Variants in ACSL6 observed in about 807,000 individuals in gnomAD.
The protein encoded by ACSL6 is long-chain-fatty-acid--CoA ligase 6.
ACSL6 carries 47 observed loss-of-function variants against 98.2 expected under a neutral mutation model. That is an observed-to-expected ratio of 0.48 (90% CI 0.38 to 0.61). The LOEUF is 0.61. ACSL6 is among the 20% of genes least tolerant of loss of function. ACSL6 has a pLI of 0.00. For synonymous variants in ACSL6, 362 were observed against 336.9 expected (o/e 1.07, Z -0.82); for missense variants, 761 against 913.4 (o/e 0.83, Z 2.15).
intron 20 of ACSL6, among the ~76,000 whole-genome samples, chr5:131,956,507 G>A (rs770112808): frequency 2.0e-5 from 3 of 152,144 alleles, no homozygotes; most frequent in Non-Finnish European, 4.4e-5. Context: ...AGGTCGGAGC[G>A]GCACTGCTGC....
At chr5:131,954,403 A>G in intron 20 of ACSL6, 32 bp from the exon 21 acceptor site, 1 of 1,606,978 alleles carries the variant, frequency 6.2e-7, no homozygotes, top group South Asian at 1.1e-5. Flanking sequence ...CATCTTTAAC[A>G]GGAATAGAAC....
intron 9 of ACSL6, among the ~76,000 whole-genome samples, chr5:131,978,384 C>T (rs1561791268): frequency 6.6e-6 from 1 of 152,178 alleles, no homozygotes; most frequent in Non-Finnish European, 1.5e-5. Flanking sequence ...CCAAAACCAT[C>T]TTTCAACTTT....
At chr5:131,974,679 T>C in intron 11 of ACSL6, 3 of 1,509,364 alleles carry the variant, frequency 2.0e-6, no homozygotes, top group Middle Eastern at 2.3e-4. Flanking sequence ...TCCTACTTCA[T>C]GCCACCAGTG....
chr5:132,011,927 G>A, upstream of ACSL6: 1 of 1,555,720 alleles, frequency 6.4e-7, no homozygotes. The surrounding 1 kb of genome is among the most constrained non-coding windows in gnomAD (Gnocchi z 5.4). Context: ...GCATTCTGCG[G>A]AAACCGGCTG....
At position 131,994,209 on chromosome 5, in the gene ACSL6, A is replaced by G; in HGVS notation, c.92T>C (p.Ile31Thr). Reference sequence around the variant, plus strand: ...CTCAGGCAGTCGCAGTATCCTCAGGATCTCCTGTGTCTGCATCTTCTCCAG... The same window carrying G: ...CTCAGGCAGTCGCAGTATCCTCAGGGTCTCCTGTGTCTGCATCTTCTCCAG... ...SLLEKMQTQEILRILRLPELG... is the reference protein window; with the variant it reads ...SLLEKMQTQETLRILRLPELG... The change falls in exon 2 of 21, where the codon ATC becomes ACC. Residue 31 changes from isoleucine (I) to threonine (T), a missense_variant. Coordinates refer to ENST00000651883, the MANE Select transcript of ACSL6 (RefSeq NM_001009185.3). The G allele has an allele frequency of 9.9e-6, 16 of 1,613,942 alleles. No individual in the cohort carries two copies. The highest frequency in any genetic ancestry group is 1.1e-5 in the Non-Finnish European group (13 of 1,179,952).
At position 131,998,854 on chromosome 5, in the gene ACSL6, T is replaced by G. The variant is rs984669703; in HGVS notation, c.50-4603A>C. Among the ~76,000 whole-genome samples the G allele has an allele frequency of 8.5e-5, 13 of 152,206 alleles. No individual in the cohort carries two copies. In the South Asian group the frequency reaches 1.2e-3, roughly 15 times the overall value. On this transcript the variant is annotated intron_variant, in intron 1 of 20. Transcript: ENST00000651883. Reference sequence around the variant, plus strand: ...AACCTTATCTGGCTTCCTATTGCCTTAGGACCAGAGTCCAAACTAATGCTC... The same window carrying G: ...AACCTTATCTGGCTTCCTATTGCCTGAGGACCAGAGTCCAAACTAATGCTC...
At chr5:131,980,849 A>G (rs974119407) in intron 9 of ACSL6, among the ~76,000 whole-genome samples, 1 of 150,822 alleles carries the variant, frequency 6.6e-6, no homozygotes, top group Non-Finnish European at 1.5e-5. Context: ...CATTCTGAAA[A>G]CCCCACCAAG....
chr5:131,994,070 C>T lies in ACSL6; in HGVS notation c.231G>A (p.Gln77=). Residue 77 remains glutamine (Q), a synonymous_variant, in exon 2 of 21, where the codon CAG becomes CAA. Coordinates refer to ENST00000651883, the MANE Select transcript of ACSL6 (RefSeq NM_001009185.3). ...YWFTHRPKAL[Q]PPCNLLMQSE... ...ACTGCATCAGGAGGTTGCATGGCGGCTGCAAGGCCTTTGGCCGGTGAGTGA... is the reference window on the plus strand; with the variant it reads ...ACTGCATCAGGAGGTTGCATGGCGGTTGCAAGGCCTTTGGCCGGTGAGTGA... 6.2e-7 allele frequency: 1 copy of T among 1,614,148 alleles called. No individual in the cohort carries two copies. Among genetic ancestry groups the T allele is most frequent in the Non-Finnish European group, 8.5e-7 (1 of 1,180,040 alleles).
chr5:131,959,749 T>A (rs920607079), intron 19 of ACSL6, 142 bp from the exon 20 acceptor site: 1 of 730,454 alleles, frequency 1.4e-6, no homozygotes, highest in Admixed American at 2.2e-5. Flanking sequence ...AGGCTGATAC[T>A]CCCTGGCAAC....
chr5:131,989,592 T>A, intron 4 of ACSL6, 84 bp from the exon 5 acceptor site: 7 of 869,460 alleles, frequency 8.1e-6, no homozygotes, highest in Non-Finnish European at 1.2e-5. Context: ...TCTTTTTTTT[T>A]TTTTTTTTTT....
chr5:132,004,951 A>C (rs1755318808), intron 1 of ACSL6, among the ~76,000 whole-genome samples: 3 of 152,136 alleles, frequency 2.0e-5, no homozygotes, highest in Non-Finnish European at 4.4e-5. Flanking sequence ...GGAGTTTGAG[A>C]ACAGCCTGGC....
chr5:131,964,481 A>G (rs2149699010), intron 17 of ACSL6, among the ~76,000 whole-genome samples: 1 of 152,394 alleles, frequency 6.6e-6, no homozygotes, highest in Middle Eastern at 3.4e-3. Context: ...GTGCTCAAGC[A>G]CAACACTAAG....
At chr5:131,982,129 GACCA>G (rs1753931897) in intron 9 of ACSL6, 1 of 119,588 alleles carries the variant, frequency 8.4e-6, no homozygotes, top group African/African-American at 3.3e-5. Context: ...GTGCTGGGAA[GACCA>G]GTCTTTTTTT....
chr5:131,984,143 G>C (rs1190952798), intron 9 of ACSL6: 1 of 152,252 alleles, frequency 6.6e-6, no homozygotes, highest in East Asian at 1.9e-4. Context: ...CTCCTGGAGA[G>C]GAAGGGCTGT....
chr5:131,997,502 A>G (rs1754851565), intron 1 of ACSL6, among the ~76,000 whole-genome samples: 4 of 152,204 alleles, frequency 2.6e-5, no homozygotes, highest in Admixed American at 2.6e-4. Flanking sequence ...GGAAGAGCCC[A>G]GGCCCAGGTT....
At chr5:131,979,490 T>A (rs1166955314) in intron 9 of ACSL6, among the ~76,000 whole-genome samples, 1 of 152,248 alleles carries the variant, frequency 6.6e-6, no homozygotes, top group African/African-American at 2.4e-5. Flanking sequence ...ACAGCAGTAG[T>A]TATTCAATTC....
At chr5:132,010,096 T>C (rs1755628077) in intron 1 of ACSL6, among the ~76,000 whole-genome samples, 1 of 152,226 alleles carries the variant, frequency 6.6e-6, no homozygotes, top group Non-Finnish European at 1.5e-5. Flanking sequence ...GCCCTGCCCT[T>C]GTCTGCTGGA....
intron 17 of ACSL6, 51 bp downstream of exon 17, chr5:131,966,365 C>A: frequency 6.4e-7 from 1 of 1,570,286 alleles, no homozygotes; most frequent in South Asian, 1.1e-5. Flanking sequence ...CCGGACCACA[C>A]ACCCTCCCAC....
In ACSL6 at chr5:131,988,823, G is replaced by A. The variant is rs149994861; in HGVS notation, c.634C>T (p.Arg212Cys). 146 of 1,613,998 alleles carry A rather than the reference G, an allele frequency of 9.0e-5. No homozygotes were observed. Among genetic ancestry groups the A allele is most frequent in the East Asian group, 1.3e-4 (6 of 44,870 alleles). Reference sequence around the variant, plus strand: ...GGCTTACCTGTATTGATGATGTAGCGGATAGCCCCAGGGCCCAGGGTGTCA... The same window carrying A: ...GGCTTACCTGTATTGATGATGTAGCAGATAGCCCCAGGGCCCAGGGTGTCA... ...LYDTLGPGAI[R>C]YIINTADIST... is the part of the protein sequence containing the mutation. Residue 212 changes from arginine to cysteine, a missense_variant, in exon 6 of 21, where the codon CGC becomes TGC. Transcript: ENST00000651883.
Sources: allele counts gnomAD v4.1 joint callset (sites outside exome capture counted in the v4.1 genomes callset), GRCh38; gene constraint gnomAD v4.1.1; non-coding constraint Gnocchi (gnomAD v3.1); transcripts MANE v1.5; gene names NCBI Gene and HGNC (gene_info 2026-07-23, HGNC 2026-07-21).